MYO1D: variants seen among roughly 807,000 people sequenced by gnomAD.
The protein encoded by MYO1D is myosin ID, also known as unconventional myosin-Id.
Under a neutral mutation model 122.0 loss-of-function variants are expected in MYO1D, and 83 were observed. The observed-to-expected ratio is 0.68, with a 90% CI of 0.57 to 0.82. MYO1D has a LOEUF of 0.82. MYO1D is among the 40% of genes least tolerant of loss of function. MYO1D has a pLI of 0.00. For synonymous variants in MYO1D, 464 were observed against 446.9 expected, an observed-to-expected ratio of 1.04 and a Z score of -0.48; for missense variants, 1,157 against 1,269.5, an observed-to-expected ratio of 0.91 and a Z score of 1.35.
rs970656873 is a variant in MYO1D, at chr17:32,832,938, C to T, written c.95+43840G>A. Reference sequence around the variant, plus strand: ...ACAATCTGAAATTTCTCCCAAGGGACGTTTACATTATTTTAAAGTAGTGTT... The same window carrying T: ...ACAATCTGAAATTTCTCCCAAGGGATGTTTACATTATTTTAAAGTAGTGTT... On this transcript the variant is annotated intron_variant, in intron 1 of 21. Coordinates refer to ENST00000318217, the MANE Select transcript of MYO1D (RefSeq NM_015194.3). Among the ~76,000 whole-genome samples, 24 of 152,260 alleles carry T rather than the reference C, an allele frequency of 1.6e-4. 1 individual carries two copies. The highest frequency in any genetic ancestry group is 5.5e-4 in the African/African-American group (23 of 41,534).
At chr17:32,689,725 CT>C (rs1054508717) in intron 16 of MYO1D, among the ~76,000 whole-genome samples, 59 of 146,704 alleles carry the variant, frequency 4.0e-4, no homozygotes, top group Non-Finnish European at 3.8e-4. Context: ...GTTTTCCTGT[CT>C]TTTTTTTTTT....
chr17:32,726,258 A>C (rs886498724), intron 14 of MYO1D, among the ~76,000 whole-genome samples: 4 of 152,048 alleles, frequency 2.6e-5, no homozygotes, highest in African/African-American at 9.7e-5. Flanking sequence ...ATCTCTACCA[A>C]AAAATACAAA....
chr17:32,504,967 A>T (rs1055036758), intron 21 of MYO1D: 2 of 152,404 alleles, frequency 1.3e-5, no homozygotes, highest in Non-Finnish European at 2.9e-5. Context: ...AGTTCTACTG[A>T]TTGCACTTTT....
At chr17:32,815,858 T>C (rs2090609188) in intron 1 of MYO1D, among the ~76,000 whole-genome samples, 2 of 152,232 alleles carry the variant, frequency 1.3e-5, no homozygotes, top group Admixed American at 6.5e-5. Flanking sequence ...CCTATGTAAA[T>C]TTCGGGGTTG....
At chr17:32,772,930 C>T (rs572932468) in intron 4 of MYO1D, 88 bp from the exon 5 acceptor site, 2 of 1,048,716 alleles carry the variant, frequency 1.9e-6, no homozygotes, top group African/African-American at 3.1e-5. Flanking sequence ...TGTCAGGCCT[C>T]TGAGCCCAAG....
At chr17:32,748,716 G>A (rs113747000) in intron 12 of MYO1D, among the ~76,000 whole-genome samples, 22 of 152,180 alleles carry the variant, frequency 1.4e-4, no homozygotes, top group African/African-American at 5.3e-4. Flanking sequence ...GGAACTGTAC[G>A]AAATGTACAT....
intron 21 of MYO1D, chr17:32,594,353 A>G (rs763755721): frequency 4.4e-5 from 18 of 410,172 alleles, no homozygotes; most frequent in Non-Finnish European, 7.8e-5. Flanking sequence ...TTTCACATCA[A>G]TTCTATTTTC....
chr17:32,875,583 G>A (rs1432248606), intron 1 of MYO1D, among the ~76,000 whole-genome samples: 2 of 152,172 alleles, frequency 1.3e-5, no homozygotes, highest in African/African-American at 4.8e-5. Flanking sequence ...AGCTGATGTA[G>A]AGGTATATCA....
intron 16 of MYO1D, among the ~76,000 whole-genome samples, chr17:32,665,146 T>G (rs538754239): frequency 3.3e-5 from 5 of 152,220 alleles, no homozygotes; most frequent in African/African-American, 1.2e-4. Flanking sequence ...GTAGTCACCT[T>G]CCCAAGGGAG....
chr17:32,654,322 G>A (rs1373864753), intron 18 of MYO1D, among the ~76,000 whole-genome samples, 155 bp downstream of exon 18: 1 of 152,174 alleles, frequency 6.6e-6, no homozygotes, highest in Non-Finnish European at 1.5e-5. Context: ...ATCAAATACT[G>A]TACATTTAGA....
chr17:32,517,523 G>A (rs557706744), intron 21 of MYO1D, among the ~76,000 whole-genome samples: 2 of 152,138 alleles, frequency 1.3e-5, no homozygotes, highest in Admixed American at 6.6e-5. Context: ...ACTGGCCCTA[G>A]CAGTGGTCAG....
chr17:32,781,703 C>G (rs2090240461), intron 1 of MYO1D, among the ~76,000 whole-genome samples: 1 of 145,558 alleles, frequency 6.9e-6, no homozygotes, highest in Non-Finnish European at 1.5e-5. Flanking sequence ...AAGAGGAAGG[C>G]CACATGGGCA....
At chr17:32,765,123 T>C (rs1567630676) in intron 7 of MYO1D, 42 bp from the exon 8 acceptor site, 2 of 1,505,400 alleles carry the variant, frequency 1.3e-6, no homozygotes, top group Non-Finnish European at 9.2e-7. Flanking sequence ...TGAAACATTA[T>C]GTCAAGGATA....
At chr17:32,503,252 T>C (rs1302169830) in intron 21 of MYO1D, among the ~76,000 whole-genome samples, 1 of 152,120 alleles carries the variant, frequency 6.6e-6, no homozygotes, top group Admixed American at 6.5e-5. Flanking sequence ...TCCAGGCCCC[T>C]GGTCAGCTGG....
At chr17:32,609,157 T>G (rs1470086384) in intron 20 of MYO1D, among the ~76,000 whole-genome samples, 1 of 152,192 alleles carries the variant, frequency 6.6e-6, no homozygotes, top group Non-Finnish European at 1.5e-5. Context: ...GCCTATAAAT[T>G]TAAAAAATTG....
chr17:32,811,773 C>A (rs2090574913), intron 1 of MYO1D, among the ~76,000 whole-genome samples: 1 of 151,956 alleles, frequency 6.6e-6, no homozygotes, highest in South Asian at 2.1e-4. Context: ...AATTCCAGTC[C>A]TCTTGTCATT....
chr17:32,526,192 C>A (rs561650894), intron 21 of MYO1D, among the ~76,000 whole-genome samples: 1 of 152,138 alleles, frequency 6.6e-6, no homozygotes, highest in Non-Finnish European at 1.5e-5. Context: ...GATTGTAAAC[C>A]CTGGGCAGGG....
chr17:32,690,058 T>A (rs1249020140), intron 16 of MYO1D, among the ~76,000 whole-genome samples: 1 of 152,204 alleles, frequency 6.6e-6, no homozygotes, highest in Non-Finnish European at 1.5e-5. Flanking sequence ...ACATCATAAC[T>A]TATATAACTG....
chr17:32,742,530 T>A (rs1206725617), intron 13 of MYO1D, among the ~76,000 whole-genome samples: 2 of 152,240 alleles, frequency 1.3e-5, no homozygotes, highest in African/African-American at 4.8e-5. Context: ...GTACAGAGAC[T>A]GGCAACACAC....
Sources: allele counts gnomAD v4.1 joint callset (sites outside exome capture counted in the v4.1 genomes callset), GRCh38; gene constraint gnomAD v4.1.1; transcripts MANE v1.5; gene names NCBI Gene and HGNC (gene_info 2026-07-23, HGNC 2026-07-21).